Variants in SLC8A3 observed in about 807,000 individuals in gnomAD.
The protein encoded by SLC8A3 is sodium/calcium exchanger 3.
SLC8A3 carries 37 observed loss-of-function variants against 65.4 expected under a neutral mutation model. The observed-to-expected ratio is 0.57, with a 90% CI of 0.44 to 0.74. The LOEUF (loss-of-function observed/expected upper bound fraction) is 0.74, where lower values mean the gene tolerates loss of function less well. SLC8A3 is among the 30% of genes least tolerant of loss of function. The pLI is 0.00. For missense variants in SLC8A3, 1,112 were observed against 1,172.1 expected (o/e 0.95, Z 0.75); for synonymous variants, 461 against 444.5 (o/e 1.04, Z -0.47).
intron 2 of SLC8A3, among the ~76,000 whole-genome samples, chr14:70,121,242 G>A (rs1418260360): frequency 3.9e-5 from 6 of 152,030 alleles, no homozygotes; most frequent in South Asian, 2.1e-4. Context: ...GGCTCCCTAC[G>A]CCAGTCATTC....
At chr14:70,081,944 C>T (rs764228881) in intron 2 of SLC8A3, among the ~76,000 whole-genome samples, 1 of 152,162 alleles carries the variant, frequency 6.6e-6, no homozygotes, top group Non-Finnish European at 1.5e-5. Flanking sequence ...CCTTAGGATG[C>T]TCCCCTCCCT....
At chr14:70,166,195 T>G (rs1185395827) in intron 2 of SLC8A3, among the ~76,000 whole-genome samples, 1 of 152,244 alleles carries the variant, frequency 6.6e-6, no homozygotes, top group Admixed American at 6.5e-5. Flanking sequence ...AATGTTCTGA[T>G]GGGCTATTGC....
At chr14:70,153,955 G>T (rs1195247225) in intron 2 of SLC8A3, among the ~76,000 whole-genome samples, 1 of 152,234 alleles carries the variant, frequency 6.6e-6, no homozygotes, top group Non-Finnish European at 1.5e-5. Context: ...GGTAGTTGCT[G>T]GTGATGAAGT....
chr14:70,169,974 C>A (rs1897410685), intron 1 of SLC8A3, among the ~76,000 whole-genome samples: 1 of 152,162 alleles, frequency 6.6e-6, no homozygotes, highest in South Asian at 2.1e-4. Context: ...CCACCATCAT[C>A]CCAGCCCAGG....
At chr14:70,163,660 C>A (rs1235229068) in intron 2 of SLC8A3, among the ~76,000 whole-genome samples, 1 of 152,198 alleles carries the variant, frequency 6.6e-6, no homozygotes, top group East Asian at 1.9e-4. Flanking sequence ...AATTAAAGAG[C>A]AAACAATCAT....
At chr14:70,170,274 A>G (rs187997729) in intron 1 of SLC8A3, among the ~76,000 whole-genome samples, 2 of 152,104 alleles carry the variant, frequency 1.3e-5, no homozygotes, top group Admixed American at 1.3e-4. Context: ...CTCCCTTATT[A>G]CATTTCAACA....
At chr14:70,096,329 T>C (rs1046966933) in intron 2 of SLC8A3, among the ~76,000 whole-genome samples, 1 of 152,220 alleles carries the variant, frequency 6.6e-6, no homozygotes. Context: ...TTCCTAGTCA[T>C]GTCCAATTGT....
At chr14:70,130,761 G>T (rs1461652052) in intron 2 of SLC8A3, among the ~76,000 whole-genome samples, 2 of 152,206 alleles carry the variant, frequency 1.3e-5, no homozygotes, top group East Asian at 1.9e-4. Context: ...CAGCAGGCCT[G>T]GTTGTATGCT....
In SLC8A3 at chr14:70,143,535, C is replaced by T. The variant is rs145822383; in HGVS notation, c.1784+23104G>A. ...CTACGTATCAGAATCACCTGGAGTG[C>T]TTAAACAATATACTGATATCCCAGC... is the stretch of plus-strand genomic sequence containing the variant. On this transcript the variant is annotated intron_variant, in intron 2 of 6. Transcript: ENST00000356921. 2.0e-5 allele frequency among the ~76,000 whole-genome samples: 3 copies of T among 152,212 alleles called. No homozygotes were observed. The East Asian group carries it at 5.8e-4, about 29-fold the overall frequency.
chr14:70,185,371 G>A (rs115287219), intron 1 of SLC8A3, among the ~76,000 whole-genome samples: 2,871 of 152,296 alleles, frequency 0.019, 94 homozygotes, highest in African/African-American at 0.066. Flanking sequence ...ATGCAGGCTG[G>A]GGAACATGCC....
intron 2 of SLC8A3, among the ~76,000 whole-genome samples, chr14:70,081,983 A>G (rs1449550960): frequency 1.3e-5 from 2 of 152,226 alleles, no homozygotes; most frequent in Admixed American, 6.5e-5. Context: ...ATGGGCAAAC[A>G]CTGTGCTTTA....
chr14:70,105,947 A>G (rs80010884), intron 2 of SLC8A3, among the ~76,000 whole-genome samples: 4,113 of 151,622 alleles, frequency 0.027, 111 homozygotes, highest in South Asian at 0.09. Context: ...TGAAAAATCA[A>G]TAAATGTGAT....
chr14:70,175,998 G>C (rs1897885782), intron 1 of SLC8A3, among the ~76,000 whole-genome samples: 1 of 152,108 alleles, frequency 6.6e-6, no homozygotes, highest in African/African-American at 2.4e-5. Flanking sequence ...CCCTCCCAAA[G>C]GGGAAGCTTT....
chr14:70,079,690 C>G (rs1890872704), intron 2 of SLC8A3, among the ~76,000 whole-genome samples: 1 of 152,092 alleles, frequency 6.6e-6, no homozygotes, highest in Non-Finnish European at 1.5e-5. Context: ...TGCCAACCCT[C>G]CCCCTTCATT....
chr14:70,089,890 GATTTGTATACGCAGGAAATTTTACCA>G (rs1891696269), intron 2 of SLC8A3, among the ~76,000 whole-genome samples: 1 of 152,000 alleles, frequency 6.6e-6, no homozygotes, highest in Non-Finnish European at 1.5e-5. Flanking sequence ...AGAGGACCAA[GATTTGTATACGCAGGAAATTTTACCA>G]ATTATCCAGG....
intron 2 of SLC8A3, among the ~76,000 whole-genome samples, chr14:70,150,498 C>T (rs924982992): frequency 1.3e-5 from 2 of 152,156 alleles, no homozygotes; most frequent in African/African-American, 4.8e-5. Flanking sequence ...GTCTTGAACT[C>T]ATCAAGACAG....
At position 70,166,869 on chromosome 14, in the gene SLC8A3, C is replaced by A; in HGVS notation, c.1554G>T (p.Val518=). The A allele has an allele frequency of 6.2e-7, 1 of 1,614,100 alleles. No homozygotes were observed. Among genetic ancestry groups the A allele is most frequent in the Non-Finnish European group, 8.5e-7 (1 of 1,179,952 alleles). The change falls in exon 2 of 7, where the codon GTG becomes GTT. Residue 518 remains valine (V), a synonymous_variant. Coordinates refer to ENST00000356921, the MANE Select transcript of SLC8A3 (RefSeq NM_182932.3). ...CATCATCCAAGATGGTAACTGTGGCCACACAAGGGGAGGCTAGGACAGCCC... is the reference window on the plus strand; with the variant it reads ...CATCATCCAAGATGGTAACTGTGGCAACACAAGGGGAGGCTAGGACAGCCC... The part of the protein sequence containing the change: ...LPRAVLASPC[V]ATVTILDDDH...
intron 2 of SLC8A3, among the ~76,000 whole-genome samples, chr14:70,079,330 C>CAAAAAAAAAAAAAAA (rs11464342): frequency 3.7e-5 from 3 of 80,922 alleles, no homozygotes; most frequent in East Asian, 3.9e-4. Context: ...CTAAAAAATA[C>CAAAAAAAAAAAAAAA]AAAAAAAAAA....
At position 70,093,643 on chromosome 14, in the gene SLC8A3, C is replaced by T. The variant is rs929966; in HGVS notation, c.1785-32704G>A. Among the ~76,000 whole-genome samples the T allele has an allele frequency of 9.2e-3, 1,404 of 152,318 alleles. 11 individuals carry two copies. The highest frequency in any genetic ancestry group is 0.015 in the Non-Finnish European group (1,035 of 68,030). ...CACATGACATAAGGCAGGGTCACTG[C>T]TTCAAGAACTGGCCTCATGCACCTT... On this transcript the variant is annotated intron_variant, in intron 2 of 6. Transcript: ENST00000356921.
Sources: gnomAD v4.1 joint callset for allele counts (sites outside exome capture counted in the v4.1 genomes callset) on GRCh38, gnomAD v4.1.1 for gene constraint, MANE v1.5 for transcripts, NCBI Gene and HGNC (gene_info 2026-07-23, HGNC 2026-07-21) for gene names.